GRHL2: variants seen among roughly 807,000 people sequenced by gnomAD.
The protein encoded by GRHL2 is grainyhead like transcription factor 2.
GRHL2 carries 21 observed loss-of-function variants against 83.8 expected under a neutral mutation model. That is an observed-to-expected ratio of 0.25 (90% confidence interval 0.18 to 0.36). The LOEUF (loss-of-function observed/expected upper bound fraction) is 0.36, where lower values mean the gene tolerates loss of function less well. Among genes scored for constraint, GRHL2 ranks in the 10% least tolerant of loss-of-function variants. The pLI, the probability that GRHL2 is intolerant of heterozygous loss-of-function variation, is 1.00. For missense variants in GRHL2, 623 were observed against 781.8 expected (o/e 0.80, Z 2.42); for synonymous variants, 280 against 278.9 (o/e 1.00, Z -0.04).
chr8:101,586,403 TCTC>T (rs1293287125), intron 7 of GRHL2, among the ~76,000 whole-genome samples: 2 of 152,190 alleles, frequency 1.3e-5, no homozygotes, highest in Non-Finnish European at 2.9e-5. Context: ...TCTCTGGGGT[TCTC>T]CTTGCCTAGA....
intron 8 of GRHL2, among the ~76,000 whole-genome samples, chr8:101,609,955 A>T (rs1203929762): frequency 6.6e-6 from 1 of 150,714 alleles, no homozygotes. Context: ...CAAATGCCGA[A>T]AAAGTCGAGT....
intron 11 of GRHL2, chr8:101,636,626 T>G: frequency 1.9e-6 from 1 of 518,204 alleles, no homozygotes; most frequent in Non-Finnish European, 3.5e-6. Flanking sequence ...AGACTGACTT[T>G]AGCTAGAAAT....
rs572815866 is a variant in GRHL2 at position 101,544,014 on chromosome 8, G to A, written c.216+578G>A. 148 of 168,306 alleles carry A rather than the reference G, an allele frequency of 8.8e-4. 3 individuals are homozygous for A. The South Asian group carries it at 0.023, about 26-fold the overall frequency. The allele number at this position is 168,306 out of a possible 1,614,324, so 10.4% of individuals were successfully genotyped here. A position where few individuals can be genotyped will look rare whatever the true frequency, so the allele number is the denominator to read the frequency against. On this transcript the variant is annotated intron_variant, in intron 2 of 15. Transcript: ENST00000646743. The stretch of plus-strand genomic sequence containing the variant: ...TCTTGTGAGACTTATTCGCTATCAC[G>A]AGAACAGTATGGGGGAAACTGCTCC...
chr8:101,656,343 A>G (rs1440048323), intron 14 of GRHL2, among the ~76,000 whole-genome samples: 1 of 152,166 alleles, frequency 6.6e-6, no homozygotes, highest in Non-Finnish European at 1.5e-5. Context: ...GGATTTTTAT[A>G]ATATCCCCAT....
At chr8:101,670,711 C>A (rs1814190723), downstream of GRHL2, among the ~76,000 whole-genome samples, 1 of 152,190 alleles carries the variant, frequency 6.6e-6, no homozygotes, top group South Asian at 2.1e-4. Context: ...CACGGTCCTG[C>A]TGTTAGGTGC....
At chr8:101,639,429 C>T (rs1813353392) in intron 12 of GRHL2, among the ~76,000 whole-genome samples, 1 of 152,192 alleles carries the variant, frequency 6.6e-6, no homozygotes, top group Admixed American at 6.5e-5. Context: ...CCCCAGATTT[C>T]CCATGACTCC....
chr8:101,620,650 AT>A (rs1358968487), intron 9 of GRHL2, among the ~76,000 whole-genome samples: 1 of 152,216 alleles, frequency 6.6e-6, no homozygotes, highest in Non-Finnish European at 1.5e-5. Flanking sequence ...AGCATCAACA[AT>A]TTCAAAACCT....
intron 7 of GRHL2, among the ~76,000 whole-genome samples, chr8:101,598,658 T>G (rs1046852589): frequency 6.6e-6 from 1 of 150,432 alleles, no homozygotes; most frequent in Non-Finnish European, 1.5e-5. Context: ...AATATTCTGT[T>G]CTACAAAAAA....
At chr8:101,636,021 A>C (rs1027399883) in intron 11 of GRHL2, among the ~76,000 whole-genome samples, 1 of 152,178 alleles carries the variant, frequency 6.6e-6, no homozygotes, top group Non-Finnish European at 1.5e-5. Context: ...TTTTGAGTTA[A>C]TATGTAAATG....
chr8:101,656,476 A>G (rs1189820463), intron 14 of GRHL2, among the ~76,000 whole-genome samples: 1 of 152,258 alleles, frequency 6.6e-6, no homozygotes, highest in Non-Finnish European at 1.5e-5. Context: ...GTCCTCAAGC[A>G]ACTTAAGCCC....
chr8:101,543,261 T>C lies in GRHL2; in HGVS notation c.41T>C (p.Leu14Ser), dbSNP rs1465250466. Residue 14 changes from leucine (L) to serine (S), a missense_variant, in exon 2 of 16, where the codon TTA becomes TCA. By Grantham distance (145) the Leu-to-Ser change is moderately radical. Transcript: ENST00000646743. ...ESDNNKRLVA[L>S]VPMPSDPPFN... ...TACAGTAATAAAAGACTAGTGGCCT[T>C]AGTGCCCATGCCCAGTGACCCTCCA... 6.2e-7 allele frequency: 1 copy of C among 1,613,978 alleles called. No homozygotes were observed.
intron 6 of GRHL2, among the ~76,000 whole-genome samples, chr8:101,575,620 C>T (rs1342279565): frequency 1.3e-5 from 2 of 152,208 alleles, no homozygotes; most frequent in East Asian, 1.9e-4. Context: ...GTGGTAACAA[C>T]AGTTTCAAAC....
chr8:101,648,711 C>T (rs140725553), intron 13 of GRHL2, among the ~76,000 whole-genome samples: 76 of 152,290 alleles, frequency 5.0e-4, no homozygotes, highest in African/African-American at 1.6e-3. Flanking sequence ...CCCTCCCAGG[C>T]CTGTGCAAGT....
intron 12 of GRHL2, among the ~76,000 whole-genome samples, chr8:101,641,819 C>T (rs1348444548): frequency 6.6e-6 from 1 of 152,206 alleles, no homozygotes; most frequent in Non-Finnish European, 1.5e-5. Flanking sequence ...CCAAAATTTA[C>T]AGACTGAAGA....
intron 1 of GRHL2, among the ~76,000 whole-genome samples, chr8:101,512,099 ATGT>A (rs1810478811): frequency 6.6e-6 from 1 of 151,824 alleles, no homozygotes; most frequent in Admixed American, 6.6e-5. Context: ...ATATCTGGAA[ATGT>A]TGTGCCATCT....
chr8:101,653,879 G>A (rs1813729216), intron 14 of GRHL2, among the ~76,000 whole-genome samples: 1 of 152,182 alleles, frequency 6.6e-6, no homozygotes, highest in East Asian at 1.9e-4. Context: ...TAATGTGAGA[G>A]CCACTAGCTG....
In GRHL2 at chr8:101,664,536, C is replaced by T. The variant is rs758362384; in HGVS notation, c.1763+18C>T. 2 of 1,550,220 alleles carry T rather than the reference C, an allele frequency of 1.3e-6. No homozygotes were observed. Among genetic ancestry groups the T allele is most frequent in the South Asian group, 1.1e-5 (1 of 89,730 alleles). On this transcript the variant is annotated intron_variant, in intron 15 of 15. Coordinates refer to ENST00000646743, the MANE Select transcript of GRHL2 (RefSeq NM_024915.4). ...AAAAAAGGGTAAGAAAGAAACTGAACTTAAATTGACTTTCAAATCAGATAA... is the reference window on the plus strand; with the variant it reads ...AAAAAAGGGTAAGAAAGAAACTGAATTTAAATTGACTTTCAAATCAGATAA...
In GRHL2 at chr8:101,570,213, CAT is replaced by C. The variant is rs1347984297; in HGVS notation, c.679-124_679-123del. The C allele has an allele frequency of 1.9e-5, 16 of 823,604 alleles. No homozygotes were observed. The East Asian group carries it at 4.0e-4, about 21-fold the overall frequency. 51.0% of individuals were successfully genotyped at this position (823,604 alleles called of 1,614,324 possible). On this transcript the variant is annotated intron_variant, in intron 4 of 15. Coordinates refer to ENST00000646743, the MANE Select transcript of GRHL2 (RefSeq NM_024915.4). ...TGACTACTTTTGCTGTAGTTGAAAA[CAT>C]AATATCAAATACATAACTTTATTTT...
chr8:101,545,396 A>C (rs1423313239), intron 2 of GRHL2, among the ~76,000 whole-genome samples: 2 of 146,842 alleles, frequency 1.4e-5, no homozygotes, highest in Admixed American at 1.4e-4. Context: ...CCTAAACTAC[A>C]TTGCATGTAA....
Sources: gnomAD v4.1 joint callset for allele counts (sites outside exome capture counted in the v4.1 genomes callset) on GRCh38, gnomAD v4.1.1 for gene constraint, MANE v1.5 for transcripts, NCBI Gene and HGNC (gene_info 2026-07-23, HGNC 2026-07-21) for gene names.